Variants in ROBO1 observed in about 807,000 individuals in gnomAD.
The protein encoded by ROBO1 is roundabout homolog 1.
Under a neutral mutation model 195.9 loss-of-function variants are expected in ROBO1, and 149 were observed. That is an observed-to-expected ratio of 0.76 (90% CI 0.67 to 0.87). The LOEUF (loss-of-function observed/expected upper bound fraction) is 0.87, where lower values mean the gene tolerates loss of function less well. ROBO1 is among the 40% of genes least tolerant of loss of function. The probability of loss-of-function intolerance (pLI) is 0.00; values close to 1 mark genes in which losing one functional copy is unlikely to be tolerated. For missense variants in ROBO1, 1,933 were observed against 2,068.3 expected (o/e 0.93, Z 1.27); for synonymous variants, 816 against 733.2 (o/e 1.11, Z -1.82).
At chr3:79,590,400 T>G (rs1943962141) in intron 1 of ROBO1, among the ~76,000 whole-genome samples, 1 of 151,756 alleles carries the variant, frequency 6.6e-6, no homozygotes, top group Non-Finnish European at 1.5e-5. Context: ...ACAAAAAACT[T>G]GCTCTTCACC....
intron 2 of ROBO1, among the ~76,000 whole-genome samples, chr3:79,181,785 G>A (rs763127744): frequency 6.6e-6 from 1 of 151,848 alleles, no homozygotes; most frequent in African/African-American, 2.4e-5. Context: ...AAATTAGCCA[G>A]GCATACTGGT....
intron 1 of ROBO1, among the ~76,000 whole-genome samples, chr3:79,602,136 C>G (rs980155671): frequency 1.4e-4 from 21 of 151,878 alleles, no homozygotes; most frequent in Admixed American, 3.9e-4. Flanking sequence ...AATTACCTTC[C>G]CTTATGTTGG....
chr3:79,175,015 G>A (rs2081241386), intron 2 of ROBO1, among the ~76,000 whole-genome samples: 1 of 152,032 alleles, frequency 6.6e-6, no homozygotes, highest in Non-Finnish European at 1.5e-5. Context: ...TAGAAAAAAT[G>A]TCAGGAAAAA....
chr3:79,172,522 G>T (rs1054301405), intron 2 of ROBO1, among the ~76,000 whole-genome samples: 3 of 152,168 alleles, frequency 2.0e-5, no homozygotes, highest in Non-Finnish European at 1.5e-5. Flanking sequence ...GTCCTTCAAA[G>T]ATGGATTATC....
intron 2 of ROBO1, among the ~76,000 whole-genome samples, chr3:79,407,092 G>T (rs9813399): frequency 0.77 from 116,789 of 151,854 alleles, 45,896 homozygotes; most frequent in East Asian, 1. Flanking sequence ...CTAATTTTTT[G>T]TGTGTGTGTA....
intron 2 of ROBO1, among the ~76,000 whole-genome samples, chr3:79,571,950 GA>G (rs200291197): frequency 1.1e-4 from 16 of 147,646 alleles, no homozygotes; most frequent in South Asian, 2.1e-4. Context: ...TTGCAGACTA[GA>G]AAAAAAAAAT....
intron 1 of ROBO1, among the ~76,000 whole-genome samples, chr3:79,624,760 A>T (rs1210943653): frequency 6.6e-6 from 1 of 152,180 alleles, no homozygotes; most frequent in Non-Finnish European, 1.5e-5. Flanking sequence ...GGAGACTTTA[A>T]CACCCCACTG....
chr3:79,348,981 T>A (rs2035238434), intron 2 of ROBO1, among the ~76,000 whole-genome samples: 1 of 152,210 alleles, frequency 6.6e-6, no homozygotes, highest in African/African-American at 2.4e-5. Flanking sequence ...TTTAATAATA[T>A]TCAAACAACA....
intron 4 of ROBO1, among the ~76,000 whole-genome samples, chr3:78,829,480 G>A (rs112389294): frequency 4.9e-4 from 75 of 152,194 alleles, no homozygotes; most frequent in African/African-American, 1.5e-3. Context: ...CCTTGGTCTT[G>A]TACCTTTTTT....
chr3:79,276,955 A>G (rs1476954015), intron 2 of ROBO1, among the ~76,000 whole-genome samples: 5 of 152,088 alleles, frequency 3.3e-5, no homozygotes, highest in Admixed American at 2.6e-4. Flanking sequence ...TTTATCCAAA[A>G]GGTAGACAAT....
At chr3:79,390,477 CAT>C (rs1204526103) in intron 2 of ROBO1, among the ~76,000 whole-genome samples, 1 of 152,062 alleles carries the variant, frequency 6.6e-6, no homozygotes. Flanking sequence ...AAAAAGAAGA[CAT>C]ATGAAAAGGA....
At chr3:78,769,665 T>C (rs1435575234) in intron 4 of ROBO1, among the ~76,000 whole-genome samples, 1 of 148,536 alleles carries the variant, frequency 6.7e-6, no homozygotes, top group Non-Finnish European at 1.5e-5. Context: ...TTTTGTTCTA[T>C]AGTTCCTGTG....
rs190548392 is a variant in ROBO1, at chr3:79,692,847, G to A, written c.-51+74905C>T. Among the ~76,000 whole-genome samples, 122 of 151,796 alleles carry A rather than the reference G, an allele frequency of 8.0e-4. 1 individual carries two copies. The highest frequency in any genetic ancestry group is 2.4e-3 in the Admixed American group (36 of 15,184). ...GGTTTACAATTTTTTTCAGATTTTG[G>A]AATATTTGCATATACATAATGAGTT... On this transcript the variant is annotated intron_variant, in intron 1 of 30. Coordinates refer to ENST00000464233, the MANE Select transcript of ROBO1 (RefSeq NM_002941.4).
intron 2 of ROBO1, among the ~76,000 whole-genome samples, chr3:79,282,582 A>T (rs2031594272): frequency 1.3e-5 from 2 of 152,242 alleles, no homozygotes; most frequent in African/African-American, 4.8e-5. Context: ...CTGTGGAACA[A>T]GGGAGAACAA....
chr3:79,294,642 A>T (rs559027098), intron 2 of ROBO1, among the ~76,000 whole-genome samples: 47 of 152,218 alleles, frequency 3.1e-4, no homozygotes, highest in African/African-American at 8.9e-4. Flanking sequence ...CAAAAGAAAC[A>T]ATCATAAGGG....
chr3:79,329,877 C>T (rs2109165740), intron 2 of ROBO1, among the ~76,000 whole-genome samples: 1 of 152,098 alleles, frequency 6.6e-6, no homozygotes, highest in East Asian at 1.9e-4. Flanking sequence ...TTAGAGAATT[C>T]CCAAGATTAT....
At chr3:78,790,517 A>G (rs1196168266) in intron 4 of ROBO1, among the ~76,000 whole-genome samples, 2 of 152,180 alleles carry the variant, frequency 1.3e-5, no homozygotes, top group Non-Finnish European at 2.9e-5. Context: ...TTGAATTATT[A>G]TTCAATACCA....
chr3:79,059,183 G>T (rs977867553), intron 3 of ROBO1, among the ~76,000 whole-genome samples: 1 of 152,026 alleles, frequency 6.6e-6, no homozygotes, highest in Non-Finnish European at 1.5e-5. Context: ...CATGGGAAAT[G>T]GTCAAAGGAC....
At chr3:79,213,226 CAG>C (rs1258657486) in intron 2 of ROBO1, among the ~76,000 whole-genome samples, 1 of 150,976 alleles carries the variant, frequency 6.6e-6, no homozygotes, top group Non-Finnish European at 1.5e-5. Context: ...GCCTGTATGA[CAG>C]AGAGAGACTC....
Sources: allele counts gnomAD v4.1 joint callset (sites outside exome capture counted in the v4.1 genomes callset), GRCh38; gene constraint gnomAD v4.1.1; transcripts MANE v1.5; gene names NCBI Gene and HGNC (gene_info 2026-07-23, HGNC 2026-07-21).